Variants in ADGRL4 observed in about 807,000 individuals in gnomAD.
ADGRL4 encodes EGF, latrophilin and seven transmembrane domain containing 1.
Under a neutral mutation model 74.8 loss-of-function variants are expected in ADGRL4, and 90 were observed. That is an observed-to-expected ratio of 1.20 (90% confidence interval 1.02 to 1.43). ADGRL4 has a LOEUF of 1.43. Among genes scored for constraint, ADGRL4 ranks in the 40% most tolerant of loss-of-function variants. The pLI is 0.00. For missense variants in ADGRL4, 881 were observed against 814.3 expected (o/e 1.08, Z -1.00); for synonymous variants, 311 against 279.2 (o/e 1.11, Z -1.14).
At chr1:78,918,934 G>A (rs1177246869) in intron 10 of ADGRL4, among the ~76,000 whole-genome samples, 1 of 151,920 alleles carries the variant, frequency 6.6e-6, no homozygotes, top group African/African-American at 2.4e-5. Flanking sequence ...AATTTAATAG[G>A]TGAAAAGTAG....
At position 78,895,683 on chromosome 1, in the gene ADGRL4, T is replaced by C. The variant is rs1036115808; in HGVS notation, c.1750-2494A>G. 3.3e-5 allele frequency among the ~76,000 whole-genome samples: 5 copies of C among 152,068 alleles called. No individual in the cohort carries two copies. The South Asian group carries it at 8.3e-4, about 25-fold the overall frequency. On this transcript the variant is annotated intron_variant, in intron 12 of 14. Coordinates refer to ENST00000370742, the MANE Select transcript of ADGRL4 (RefSeq NM_022159.4). The stretch of plus-strand genomic sequence containing the variant: ...TGAGGAGCTAAGAAAGTGATATTCC[T>C]ACAAACAATTGATAAAGATGGCTGG...
chr1:78,948,678 T>G (rs976983670), intron 2 of ADGRL4, among the ~76,000 whole-genome samples: 7 of 152,178 alleles, frequency 4.6e-5, no homozygotes, highest in Non-Finnish European at 8.8e-5. Flanking sequence ...TATGGCTATA[T>G]ATACTCAGAA....
chr1:78,931,587 C>A lies in ADGRL4; in HGVS notation c.878-4496G>T, dbSNP rs1649243351. ...TCAAATTCACACATAACAATACTAA[C>A]CTTAAGTGTAAGTAGGCTAAATGCC... On this transcript the variant is annotated intron_variant, in intron 7 of 14. Transcript: ENST00000370742. Among the ~76,000 whole-genome samples the A allele has an allele frequency of 1.3e-5, 2 of 151,284 alleles. 1 individual carries two copies. The highest frequency in any genetic ancestry group is 4.9e-5 in the African/African-American group (2 of 40,648).
intron 12 of ADGRL4, among the ~76,000 whole-genome samples, chr1:78,913,173 T>C (rs1648798653): frequency 6.6e-6 from 1 of 151,906 alleles, no homozygotes; most frequent in Non-Finnish European, 1.5e-5. Context: ...AAAGGAATGG[T>C]TATACACTGT....
Position 78,921,662 on chromosome 1 carries a change from C to T in ADGRL4, c.1208G>A (p.Cys403Tyr). The T allele has an allele frequency of 6.3e-7, 1 of 1,592,758 alleles. No individual in the cohort carries two copies. The highest frequency in any genetic ancestry group is 2.3e-5 in the East Asian group (1 of 43,348). The change falls in exon 9 of 15, where the codon TGT becomes TAT. Residue 403 changes from cysteine to tyrosine, a missense_variant. Coordinates refer to ENST00000370742, the MANE Select transcript of ADGRL4 (RefSeq NM_022159.4). ...AATTGCAAAATGTGTCAGGTGATTA[C>T]AGCGGCATGAGGTGTGGGTCTCATT... The part of the protein sequence containing the change: ...YSNETHTSCR[C>Y]NHLTHFAILM...
At chr1:78,990,018 T>C (rs1650574663) in intron 2 of ADGRL4, among the ~76,000 whole-genome samples, 1 of 151,888 alleles carries the variant, frequency 6.6e-6, no homozygotes, top group Admixed American at 6.6e-5. Flanking sequence ...CCATTGATTA[T>C]CAGGATATTT....
chr1:78,920,743 T>C (rs1648980253), intron 9 of ADGRL4, among the ~76,000 whole-genome samples: 1 of 151,878 alleles, frequency 6.6e-6, no homozygotes, highest in Non-Finnish European at 1.5e-5. Context: ...AACAGATTTA[T>C]CAGTGGTAAG....
At chr1:78,938,751 T>C (rs1382652463) in intron 4 of ADGRL4, among the ~76,000 whole-genome samples, 1 of 152,060 alleles carries the variant, frequency 6.6e-6, no homozygotes, top group African/African-American at 2.4e-5. Context: ...TTACTCATGT[T>C]GAGATTCACA....
chr1:79,005,256 A>G (rs1242455623), intron 1 of ADGRL4, 37 bp from the exon 2 acceptor site: 2 of 1,476,494 alleles, frequency 1.4e-6, no homozygotes, highest in African/African-American at 1.4e-5. Flanking sequence ...TTCAAAAAGT[A>G]AAACAAACAT....
chr1:78,999,842 A>G (rs998085640), intron 2 of ADGRL4, among the ~76,000 whole-genome samples: 23 of 147,254 alleles, frequency 1.6e-4, no homozygotes, highest in Admixed American at 3.4e-4. Context: ...CTATCTATCT[A>G]CCTACCTACC....
At chr1:78,913,357 G>A (rs1207721568) in intron 12 of ADGRL4, among the ~76,000 whole-genome samples, 2 of 151,884 alleles carry the variant, frequency 1.3e-5, no homozygotes, top group Non-Finnish European at 1.5e-5. Context: ...ATTCACAATA[G>A]CAAAGACACA....
chr1:78,912,133 C>G (rs1356025301), intron 12 of ADGRL4, among the ~76,000 whole-genome samples: 3 of 151,770 alleles, frequency 2.0e-5, no homozygotes, highest in African/African-American at 7.3e-5. Context: ...AACTGTGACT[C>G]CTAAAGTTGT....
chr1:78,944,459 A>G (rs1649553861), intron 3 of ADGRL4, among the ~76,000 whole-genome samples: 1 of 152,202 alleles, frequency 6.6e-6, no homozygotes, highest in African/African-American at 2.4e-5. Flanking sequence ...TCTGGGCAGA[A>G]TATCATTGAT....
At chr1:78,894,045 C>T (rs1431886658) in intron 12 of ADGRL4, among the ~76,000 whole-genome samples, 1 of 151,762 alleles carries the variant, frequency 6.6e-6, no homozygotes, top group Non-Finnish European at 1.5e-5. Context: ...AGTTGGAAGG[C>T]TAATCCCTTA....
intron 12 of ADGRL4, among the ~76,000 whole-genome samples, chr1:78,899,284 CCTACTGAATAGCCATATA>C (rs1347405871): frequency 6.6e-6 from 1 of 152,188 alleles, no homozygotes; most frequent in Non-Finnish European, 1.5e-5. Flanking sequence ...TACTGACTGG[CCTACTGAATAGCCATATA>C]CAGCAGCTTT....
chr1:78,983,932 G>A (rs1650445171), intron 2 of ADGRL4, among the ~76,000 whole-genome samples: 1 of 151,760 alleles, frequency 6.6e-6, no homozygotes, highest in Non-Finnish European at 1.5e-5. Flanking sequence ...AACTCAGATA[G>A]CCATCTTCAG....
chr1:79,004,460 C>T (rs923918248), intron 2 of ADGRL4, among the ~76,000 whole-genome samples: 1 of 152,056 alleles, frequency 6.6e-6, no homozygotes, highest in Non-Finnish European at 1.5e-5. Flanking sequence ...AATCAATGGG[C>T]TAAACTGCAC....
chr1:78,963,352 A>G (rs375493931), intron 2 of ADGRL4, among the ~76,000 whole-genome samples: 31 of 152,284 alleles, frequency 2.0e-4, no homozygotes, highest in African/African-American at 7.0e-4. Context: ...CTTCTTTGAT[A>G]CCTGTCTGCT....
At chr1:79,005,981 A>C (rs1650954999) in intron 1 of ADGRL4, among the ~76,000 whole-genome samples, 1 of 152,224 alleles carries the variant, frequency 6.6e-6, no homozygotes, top group Admixed American at 6.5e-5. Context: ...GAGTTATTGA[A>C]ATACATTTGG....
Sources: gnomAD v4.1 joint callset for allele counts (sites outside exome capture counted in the v4.1 genomes callset) on GRCh38, gnomAD v4.1.1 for gene constraint, MANE v1.5 for transcripts, NCBI Gene and HGNC (gene_info 2026-07-23, HGNC 2026-07-21) for gene names.